SPATS2: variants seen among roughly 807,000 people sequenced by gnomAD.
The protein encoded by SPATS2 is spermatogenesis-associated serine-rich protein 2.
In SPATS2, 38 loss-of-function variants were observed where a neutral mutation model predicts 63.7. That is an observed-to-expected ratio of 0.60 (90% CI 0.46 to 0.78). The LOEUF is 0.78. SPATS2 is among the 30% of genes least tolerant of loss of function. The pLI is 0.00. For synonymous variants in SPATS2, 207 were observed against 232.9 expected (o/e 0.89, Z 1.01); for missense variants, 588 against 666.2 (o/e 0.88, Z 1.29).
intron 3 of SPATS2, among the ~76,000 whole-genome samples, chr12:49,481,526 G>A (rs1397074590): frequency 1.4e-5 from 2 of 140,990 alleles, no homozygotes; most frequent in East Asian, 2.3e-4. Flanking sequence ...GGAGTGCAGT[G>A]GCTCATTCTC....
intron 2 of SPATS2, among the ~76,000 whole-genome samples, chr12:49,390,918 A>G (rs1015255769): frequency 6.6e-6 from 1 of 152,184 alleles, no homozygotes; most frequent in Non-Finnish European, 1.5e-5. Flanking sequence ...AGTAATGAAG[A>G]TGAGATTTGT....
chr12:49,437,274 G>A (rs1432158552), intron 2 of SPATS2, among the ~76,000 whole-genome samples: 6 of 151,478 alleles, frequency 4.0e-5, no homozygotes, highest in African/African-American at 1.5e-4. Context: ...GACGATGGGC[G>A]GCCTGGCAGA....
chr12:49,497,153 CAG>C lies in SPATS2; in HGVS notation c.703+145_703+146del, dbSNP rs1946476901. ...ATTTTCCAGACAGTGACTGACTACT[CAG>C]CCCTTCCCCTAACCTTTGTGTACAC... On this transcript the variant is annotated intron_variant, in intron 8 of 13. Transcript: ENST00000552918. The C allele has an allele frequency of 4.9e-5, 38 of 781,270 alleles. No individual in the cohort carries two copies. In the South Asian group the frequency reaches 7.4e-4, roughly 15 times the overall value. The allele number at this position is 781,270 out of a possible 1,614,324, so 48.4% of individuals were successfully genotyped here. A position where few individuals can be genotyped will look rare whatever the true frequency, so the allele number is the denominator to read the frequency against.
intron 2 of SPATS2, among the ~76,000 whole-genome samples, chr12:49,432,000 C>A (rs1006966197): frequency 6.6e-6 from 1 of 152,042 alleles, no homozygotes; most frequent in African/African-American, 2.4e-5. Context: ...TCAAAAAAAA[C>A]AAATTGTCTT....
At chr12:49,459,656 A>T (rs1199889904) in intron 2 of SPATS2, among the ~76,000 whole-genome samples, 1 of 139,746 alleles carries the variant, frequency 7.2e-6, no homozygotes, top group Non-Finnish European at 1.5e-5. Context: ...CTAGACCGTT[A>T]TTAAAAAGTC....
chr12:49,418,611 T>A, intron 2 of SPATS2, among the ~76,000 whole-genome samples: 1 of 152,000 alleles, frequency 6.6e-6, no homozygotes, highest in Non-Finnish European at 1.5e-5. Context: ...TAATTTTTTA[T>A]TTTTATTTTT....
At chr12:49,502,209 A>G (rs1946577935) in intron 9 of SPATS2, among the ~76,000 whole-genome samples, 1 of 152,192 alleles carries the variant, frequency 6.6e-6, no homozygotes, top group Non-Finnish European at 1.5e-5. Flanking sequence ...AATTTAGTCT[A>G]GTCACTTTTG....
At chr12:49,462,731 T>C in intron 3 of SPATS2, 1 of 464,770 alleles carries the variant, frequency 2.2e-6, no homozygotes. Context: ...AATCTTTCCC[T>C]GAAGTCCAGC....
intron 8 of SPATS2, among the ~76,000 whole-genome samples, chr12:49,498,145 A>AAATATATATATATATATATAT (rs66900382): frequency 5.1e-5 from 5 of 98,960 alleles, no homozygotes; most frequent in African/African-American, 2.5e-4. Context: ...AAAAAAAAAA[A>AAATATATATATATATATATAT]ATATATATAT....
At position 49,494,925 on chromosome 12, in the gene SPATS2, G is replaced by T; in HGVS notation, c.449G>T (p.Gly150Val). The T allele has an allele frequency of 1.2e-6, 2 of 1,614,024 alleles. No individual in the cohort carries two copies. The highest frequency in any genetic ancestry group is 1.3e-5 in the African/African-American group (1 of 75,018). ...DTESVDSLSEGLETLSIDARE... is the reference protein window; with the variant it reads ...DTESVDSLSEVLETLSIDARE... ...GAGTCTGTGGACTCACTCAGTGAAG[G>T]TTTGGAGACACTTTCAATAGATGCC... Residue 150 changes from glycine to valine, a missense_variant, in exon 7 of 14, where the codon GGT becomes GTT. Gly to Val is a moderately radical substitution (Grantham distance 109). Transcript: ENST00000552918.
Position 49,475,134 on chromosome 12 carries a change from T to C in SPATS2, c.26-9456T>C, listed in dbSNP as rs1271152517. ...GGTGGGGACGCAGAGCCAAACCATATGAAAATGAATAAGCTGCCTTTACTT... is the reference window on the plus strand; with the variant it reads ...GGTGGGGACGCAGAGCCAAACCATACGAAAATGAATAAGCTGCCTTTACTT... On this transcript the variant is annotated intron_variant, in intron 3 of 13. Coordinates refer to ENST00000552918, the MANE Select transcript of SPATS2 (RefSeq NM_023071.4). Among the ~76,000 whole-genome samples the C allele has an allele frequency of 2.6e-5, 4 of 152,150 alleles. No individual in the cohort carries two copies. The East Asian group carries it at 7.7e-4, about 29-fold the overall frequency.
At chr12:49,434,017 G>A (rs371837085) in intron 2 of SPATS2, among the ~76,000 whole-genome samples, 2 of 152,118 alleles carry the variant, frequency 1.3e-5, no homozygotes, top group East Asian at 1.9e-4. Flanking sequence ...TTTTCCCAAC[G>A]TCATTTGTTG....
At chr12:49,478,302 G>C (rs1013550420) in intron 3 of SPATS2, among the ~76,000 whole-genome samples, 1 of 152,124 alleles carries the variant, frequency 6.6e-6, no homozygotes, top group African/African-American at 2.4e-5. Context: ...GTGAAGTTCT[G>C]AATAGGCCTT....
chr12:49,485,267 C>A (rs769793643), intron 4 of SPATS2, among the ~76,000 whole-genome samples: 1 of 151,678 alleles, frequency 6.6e-6, no homozygotes, highest in Non-Finnish European at 1.5e-5. Flanking sequence ...AGGGTTTCGC[C>A]GTGGCCTCGA....
At chr12:49,407,925 G>T (rs531676570) in intron 2 of SPATS2, among the ~76,000 whole-genome samples, 3 of 152,322 alleles carry the variant, frequency 2.0e-5, no homozygotes, top group African/African-American at 7.2e-5. Flanking sequence ...CGTATGTCCA[G>T]CAAAGCCTAA....
chr12:49,395,987 A>G (rs550573000), intron 2 of SPATS2, among the ~76,000 whole-genome samples: 5 of 152,350 alleles, frequency 3.3e-5, no homozygotes, highest in Admixed American at 1.3e-4. Flanking sequence ...TATACCTCAT[A>G]TAAGTGGTAT....
intron 11 of SPATS2, among the ~76,000 whole-genome samples, chr12:49,519,612 T>G (rs1190729798): frequency 7.0e-6 from 1 of 143,692 alleles, no homozygotes; most frequent in African/African-American, 2.5e-5. Flanking sequence ...TCAAACTTTC[T>G]GTTGCTTTTA....
chr12:49,430,099 G>GTTT (rs536889902), intron 2 of SPATS2, among the ~76,000 whole-genome samples: 8,239 of 98,350 alleles, frequency 0.084, 633 homozygotes, highest in African/African-American at 0.12. Flanking sequence ...CATATTTCTT[G>GTTT]TTTTTTTTTT....
At chr12:49,370,056 C>T (rs1442889082) in intron 1 of SPATS2, among the ~76,000 whole-genome samples, 2 of 152,134 alleles carry the variant, frequency 1.3e-5, no homozygotes, top group Non-Finnish European at 2.9e-5. Flanking sequence ...CCCTGGAGGC[C>T]GATCAGGCTA....
Sources: gnomAD v4.1 joint callset for allele counts (sites outside exome capture counted in the v4.1 genomes callset) on GRCh38, gnomAD v4.1.1 for gene constraint, MANE v1.5 for transcripts, NCBI Gene and HGNC (gene_info 2026-07-23, HGNC 2026-07-21) for gene names.